PCDHGA2: variants seen among roughly 807,000 people sequenced by gnomAD.
PCDHGA2 encodes the protein protocadherin gamma subfamily A, 2.
Under a neutral mutation model 59.2 loss-of-function variants are expected in PCDHGA2, and 40 were observed. The ratio of observed to expected loss-of-function variants is 0.68; its 90% CI spans 0.52 to 0.88. PCDHGA2 has a LOEUF of 0.88. PCDHGA2 is among the 40% of genes least tolerant of loss of function. PCDHGA2 has a pLI of 0.00. For missense variants in PCDHGA2, 1,226 were observed against 1,204.0 expected, an observed-to-expected ratio of 1.02 and a Z score of -0.27; for synonymous variants, 560 against 526.0, an observed-to-expected ratio of 1.06 and a Z score of -0.89.
At position 141,486,653 on chromosome 5, in the gene PCDHGA2, C is replaced by A; in HGVS notation, c.2425-8154C>A. 1 of 1,613,968 alleles carries A rather than the reference C, an allele frequency of 6.2e-7. No homozygotes were observed. Among genetic ancestry groups the A allele is most frequent in the Non-Finnish European group, 8.5e-7 (1 of 1,180,034 alleles). On this transcript the variant is annotated intron_variant, in intron 1 of 3. Coordinates refer to ENST00000394576, the MANE Select transcript of PCDHGA2 (RefSeq NM_018915.4). This position sits in a 1 kb window ranked among gnomAD's most constrained non-coding sequence, Gnocchi z 5.0. ...CTTGAATGCGCTTATCTCCTACTCA[C>A]TCCTGGAGCCCAGGAATCGAGATGT... is the stretch of plus-strand genomic sequence containing the variant.
intron 1 of PCDHGA2, chr5:141,418,465 A>G (rs2096261082): frequency 6.2e-7 from 1 of 1,614,022 alleles, no homozygotes; most frequent in Non-Finnish European, 8.5e-7. Context: ...CTCTGGACCG[A>G]GAAACGCAGA....
At chr5:141,426,814 T>C (rs2096962370) in intron 1 of PCDHGA2, 1 of 456,592 alleles carries the variant, frequency 2.2e-6, no homozygotes, top group Admixed American at 2.3e-5. Flanking sequence ...AATGAACATT[T>C]CTCTCTGATG....
At chr5:141,423,107 T>G (rs1590430250) in intron 1 of PCDHGA2, 1 of 1,613,696 alleles carries the variant, frequency 6.2e-7, no homozygotes, top group East Asian at 2.2e-5. Flanking sequence ...ACGGGCGAGG[T>G]GCGTACAGCG....
intron 1 of PCDHGA2, chr5:141,376,676 G>GTTTTTTTTTTTTTTTTTTTTTTTT (rs67197835): frequency 1.1e-5 from 3 of 275,812 alleles, no homozygotes; most frequent in African/African-American, 3.7e-5. Flanking sequence ...TGAGGGTATC[G>GTTTTTTTTTTTTTTTTTTTTTTTT]TTTTTTTTTT....
At chr5:141,427,410 G>GA (rs1197961039) in intron 1 of PCDHGA2, 3 of 463,834 alleles carry the variant, frequency 6.5e-6, no homozygotes, top group African/African-American at 2.0e-5. Flanking sequence ...AGATTCGAGA[G>GA]AAAATGGGGA....
intron 1 of PCDHGA2, chr5:141,421,835 G>T: frequency 6.2e-7 from 1 of 1,613,746 alleles, no homozygotes. Flanking sequence ...AGCCTGGACC[G>T]AGAGAAAGAG....
At chr5:141,467,460 T>G (rs1354012953) in intron 1 of PCDHGA2, among the ~76,000 whole-genome samples, 1 of 152,246 alleles carries the variant, frequency 6.6e-6, no homozygotes. Context: ...CCAGTGCTAG[T>G]ACTTGCATGG....
intron 1 of PCDHGA2, chr5:141,371,097 G>A (rs376198094): frequency 5.0e-6 from 8 of 1,613,710 alleles, no homozygotes; most frequent in Non-Finnish European, 6.8e-6. Flanking sequence ...TGTCGCAGAT[G>A]CAAATGATAA....
At chr5:141,409,096 A>T (rs968537361) in intron 1 of PCDHGA2, 8 of 1,613,956 alleles carry the variant, frequency 5.0e-6, no homozygotes, top group African/African-American at 1.3e-5. Flanking sequence ...ATGAGAAAAC[A>T]GGTATGATTA....
At chr5:141,454,409 T>G (rs1221091875) in intron 1 of PCDHGA2, among the ~76,000 whole-genome samples, 1 of 152,162 alleles carries the variant, frequency 6.6e-6, no homozygotes, top group Non-Finnish European at 1.5e-5. Flanking sequence ...TTATTCCTTT[T>G]TATTTATTTA....
intron 1 of PCDHGA2, chr5:141,371,386 G>GT: frequency 6.2e-7 from 1 of 1,614,006 alleles, no homozygotes; most frequent in Non-Finnish European, 8.5e-7. Context: ...ACTGCATATT[G>GT]TAAAGTACAG....
At chr5:141,494,365 C>A (rs193174055) in intron 1 of PCDHGA2, among the ~76,000 whole-genome samples, 20 of 152,290 alleles carry the variant, frequency 1.3e-4, no homozygotes, top group Non-Finnish European at 2.2e-4. Context: ...GCAGAGGATG[C>A]TTTGTTCCCA....
At chr5:141,497,503 C>CTGCTTCCT (rs1042765123) in intron 2 of PCDHGA2, among the ~76,000 whole-genome samples, 57 of 151,054 alleles carry the variant, frequency 3.8e-4, no homozygotes, top group African/African-American at 1.4e-3. Flanking sequence ...TCTCCTCTCT[C>CTGCTTCCT]TGCTTCCTTA....
Position 141,375,095 on chromosome 5 carries a change from T to C in PCDHGA2, c.2424+33700T>C, listed in dbSNP as rs370381070. 3.0e-4 allele frequency: 491 copies of C among 1,613,960 alleles called. 2 individuals are homozygous for C. In the African/African-American group the frequency reaches 5.9e-3, roughly 19 times the overall value. ...CAGAGCGAAAGTCTTAATAACTATCTTGGATGTCAATGATAATGTACCAGA... is the reference window on the plus strand; with the variant it reads ...CAGAGCGAAAGTCTTAATAACTATCCTGGATGTCAATGATAATGTACCAGA... On this transcript the variant is annotated intron_variant, in intron 1 of 3. Coordinates refer to ENST00000394576, the MANE Select transcript of PCDHGA2 (RefSeq NM_018915.4).
At chr5:141,425,258 G>T (rs965944291) in intron 1 of PCDHGA2, among the ~76,000 whole-genome samples, 2 of 152,134 alleles carry the variant, frequency 1.3e-5, no homozygotes, top group Non-Finnish European at 2.9e-5. Context: ...GAGGTATTTG[G>T]CTGGGAAAAG....
rs1378140695 is a variant in PCDHGA2, at chr5:141,485,189, A to G, written c.2425-9618A>G. On this transcript the variant is annotated intron_variant, in intron 1 of 3. Transcript: ENST00000394576. The surrounding 1 kb of genome is among the most constrained non-coding windows in gnomAD (Gnocchi z 5.7). ...GGCGGCAGCAATGCTCCGCAAGGTGAGAAGCTGGACAGAAATCTGGCGGTG... is the reference window on the plus strand; with the variant it reads ...GGCGGCAGCAATGCTCCGCAAGGTGGGAAGCTGGACAGAAATCTGGCGGTG... 1 of 1,613,726 alleles carries G rather than the reference A, an allele frequency of 6.2e-7. No homozygotes were observed. The highest frequency in any genetic ancestry group is 1.7e-5 in the Admixed American group (1 of 60,020).
chr5:141,428,050 T>C (rs1222417053), intron 1 of PCDHGA2: 1 of 1,608,844 alleles, frequency 6.2e-7, no homozygotes, highest in Non-Finnish European at 8.5e-7. Flanking sequence ...GTGACCAAGG[T>C]GGTGGCGGTG....
chr5:141,398,092 T>C (rs748472174), intron 1 of PCDHGA2: 19 of 1,598,994 alleles, frequency 1.2e-5, no homozygotes, highest in Non-Finnish European at 1.6e-5. Flanking sequence ...ACCTGGCGTC[T>C]CCAGGCTGGT....
chr5:141,399,546 G>T, intron 1 of PCDHGA2: 1 of 1,614,032 alleles, frequency 6.2e-7, no homozygotes. Flanking sequence ...TCTGCGCCTC[G>T]GACCTGGACT....
Sources: allele counts gnomAD v4.1 joint callset (sites outside exome capture counted in the v4.1 genomes callset), GRCh38; gene constraint gnomAD v4.1.1; non-coding constraint Gnocchi (gnomAD v3.1); transcripts MANE v1.5; gene names NCBI Gene and HGNC (gene_info 2026-07-23, HGNC 2026-07-21).